ADIPOR2: variants seen among roughly 807,000 people sequenced by gnomAD.
ADIPOR2 encodes the protein adiponectin receptor 2.
Under a neutral mutation model 40.9 loss-of-function variants are expected in ADIPOR2, and 18 were observed. The observed-to-expected ratio is 0.44, with a 90% CI of 0.30 to 0.65. The LOEUF (loss-of-function observed/expected upper bound fraction) is 0.65. Ranked by LOEUF, ADIPOR2 falls within the 30% of genes least tolerant of loss-of-function variation. ADIPOR2 has a pLI of 0.09. For missense variants in ADIPOR2, 283 were observed against 479.2 expected (o/e 0.59, Z 3.82); for synonymous variants, 165 against 166.4 (o/e 0.99, Z 0.06).
intron 1 of ADIPOR2, among the ~76,000 whole-genome samples, chr12:1,691,858 T>C (rs1277827841): frequency 6.6e-6 from 1 of 152,180 alleles, no homozygotes; most frequent in African/African-American, 2.4e-5. Flanking sequence ...CCTCCTGGCT[T>C]TTGATCTTGA....
chr12:1,772,964 AAG>A lies in ADIPOR2; in HGVS notation c.291+6_291+7del, dbSNP rs1333239980. Reference sequence around the variant, plus strand: ...AAATGGAAGAATTTGTTTGTAAGGTAAGAGTGCAGTTTCTTGTCATTGTCATG... The same window carrying A: ...AAATGGAAGAATTTGTTTGTAAGGTAAGTGCAGTTTCTTGTCATTGTCATG... On this transcript the variant is annotated splice_donor_5th_base_variant and intron_variant, in intron 3 of 7. Transcript: ENST00000357103. 6.2e-7 allele frequency: 1 copy of A among 1,613,150 alleles called. No homozygotes were observed. The highest frequency in any genetic ancestry group is 1.7e-5 in the Admixed American group (1 of 59,892).
chr12:1,769,491 A>G (rs542205819), intron 2 of ADIPOR2, among the ~76,000 whole-genome samples: 67 of 152,384 alleles, frequency 4.4e-4, no homozygotes, highest in African/African-American at 1.5e-3. Flanking sequence ...AAGGGTAGGA[A>G]TTGGTCATAG....
chr12:1,697,022 G>C (rs2094640556), intron 1 of ADIPOR2: 5 of 152,286 alleles, frequency 3.3e-5, no homozygotes, highest in Admixed American at 3.3e-4. Context: ...TTAGCAAACA[G>C]TGATTTCTGT....
chr12:1,775,865 CTT>C lies in ADIPOR2; in HGVS notation c.292-1987_292-1986del, dbSNP rs61180129. On this transcript the variant is annotated intron_variant, in intron 3 of 7. Coordinates refer to ENST00000357103, the MANE Select transcript of ADIPOR2 (RefSeq NM_024551.3). Reference sequence around the variant, plus strand: ...ATACTGGATCCCTGATCCCCTTTCTCTTTCTCTCCATAAAGTCCTGTGGAAGA... The same window carrying C: ...ATACTGGATCCCTGATCCCCTTTCTCTCTCTCCATAAAGTCCTGTGGAAGA... Among the ~76,000 whole-genome samples the C allele has an allele frequency of 5.9e-5, 9 of 152,004 alleles. No homozygotes were observed. The Middle Eastern group carries it at 0.02, about 345-fold the overall frequency.
chr12:1,745,967 A>T (rs567162150), intron 1 of ADIPOR2, among the ~76,000 whole-genome samples: 1 of 152,278 alleles, frequency 6.6e-6, no homozygotes, highest in East Asian at 1.9e-4. Context: ...AAAATTCAGA[A>T]GTTACTAAAG....
intron 1 of ADIPOR2, among the ~76,000 whole-genome samples, chr12:1,741,257 G>A (rs1259640034): frequency 6.6e-6 from 1 of 152,140 alleles, no homozygotes; most frequent in Non-Finnish European, 1.5e-5. Context: ...AGAGGAAACT[G>A]CAGGTATGAG....
At chr12:1,767,137 G>A (rs1201409156) in intron 2 of ADIPOR2, among the ~76,000 whole-genome samples, 2 of 152,054 alleles carry the variant, frequency 1.3e-5, no homozygotes, top group African/African-American at 4.8e-5. Flanking sequence ...CGGGCGTGGT[G>A]GCAGGCGCCT....
At chr12:1,783,474 A>G (rs1465914330) in intron 6 of ADIPOR2, among the ~76,000 whole-genome samples, 2 of 141,496 alleles carry the variant, frequency 1.4e-5, no homozygotes, top group Non-Finnish European at 3.0e-5. Flanking sequence ...ATCTCGGCTC[A>G]CTGCAGCCTC....
At chr12:1,764,244 A>G (rs1862328297) in intron 2 of ADIPOR2, among the ~76,000 whole-genome samples, 1 of 152,138 alleles carries the variant, frequency 6.6e-6, no homozygotes, top group African/African-American at 2.4e-5. Context: ...CTTTTTTGTA[A>G]TGGGATAAAA....
chr12:1,778,901 A>G (rs1013745493), intron 4 of ADIPOR2, among the ~76,000 whole-genome samples: 1 of 152,096 alleles, frequency 6.6e-6, no homozygotes, highest in Non-Finnish European at 1.5e-5. Context: ...AAAATGGCCA[A>G]TAAGCACATG....
chr12:1,721,155 C>A lies in ADIPOR2; in HGVS notation c.-87+29964C>A, dbSNP rs909523925. Among the ~76,000 whole-genome samples, 5 of 150,616 alleles carry A rather than the reference C, an allele frequency of 3.3e-5. No individual in the cohort carries two copies. In the East Asian group the frequency reaches 9.7e-4, roughly 29 times the overall value. The stretch of plus-strand genomic sequence containing the variant: ...CCTTGAGCACATGTTGTCAGGACTT[C>A]CTGAGGCTGTGTCATGGGAGCGTCC... On this transcript the variant is annotated intron_variant, in intron 1 of 7. Transcript: ENST00000357103.
At chr12:1,779,702 A>G (rs564584084) in intron 4 of ADIPOR2, among the ~76,000 whole-genome samples, 1 of 152,354 alleles carries the variant, frequency 6.6e-6, no homozygotes, top group Admixed American at 6.5e-5. Flanking sequence ...GCCTGCTAGT[A>G]TAGTGAGAGG....
At chr12:1,746,473 A>G (rs2094755228) in intron 1 of ADIPOR2, among the ~76,000 whole-genome samples, 1 of 152,122 alleles carries the variant, frequency 6.6e-6, no homozygotes, top group Non-Finnish European at 1.5e-5. Context: ...GGGCGACAGA[A>G]CAAGACTGCC....
intron 1 of ADIPOR2, among the ~76,000 whole-genome samples, chr12:1,746,005 C>T (rs1459464279): frequency 6.6e-6 from 1 of 152,028 alleles, no homozygotes; most frequent in African/African-American, 2.4e-5. Flanking sequence ...AGTCTTCTTC[C>T]TATGCTTGTT....
intron 1 of ADIPOR2, among the ~76,000 whole-genome samples, chr12:1,703,742 TAAATG>T (rs2094655702): frequency 6.6e-6 from 1 of 151,908 alleles, no homozygotes; most frequent in Non-Finnish European, 1.5e-5. Context: ...AATAAATAAA[TAAATG>T]GGAGAATCTT....
intron 1 of ADIPOR2, among the ~76,000 whole-genome samples, chr12:1,691,484 G>A (rs375118156): frequency 6.6e-6 from 1 of 152,204 alleles, no homozygotes; most frequent in Non-Finnish European, 1.5e-5. Context: ...CTTTCGCGGC[G>A]GAGGGTCGGA....
At position 1,772,810 on chromosome 12, in the gene ADIPOR2, T is replaced by C. The variant is rs1249028028; in HGVS notation, c.172-32T>C. 2.6e-6 allele frequency: 4 copies of C among 1,564,224 alleles called. No homozygotes were observed. In the South Asian group the frequency reaches 3.7e-5, roughly 14 times the overall value. On this transcript the variant is annotated intron_variant, in intron 2 of 7. Coordinates refer to ENST00000357103, the MANE Select transcript of ADIPOR2 (RefSeq NM_024551.3). ...ATTGTGTCATTTGGCTCCCAGTCTC[T>C]GTCCTTGACTGTTTCTGTGATTGCC...
At chr12:1,706,558 A>T (rs1489379665) in intron 1 of ADIPOR2, among the ~76,000 whole-genome samples, 1 of 152,226 alleles carries the variant, frequency 6.6e-6, no homozygotes, top group East Asian at 1.9e-4. Flanking sequence ...ATCTAGGCTT[A>T]TGTAAATAAA....
intron 6 of ADIPOR2, among the ~76,000 whole-genome samples, chr12:1,783,646 A>G (rs1169023668): frequency 6.6e-6 from 1 of 152,186 alleles, no homozygotes; most frequent in Non-Finnish European, 1.5e-5. Context: ...GGTGTGAGCC[A>G]CTGCACCCGG....
Sources: gnomAD v4.1 joint callset for allele counts (sites outside exome capture counted in the v4.1 genomes callset) on GRCh38, gnomAD v4.1.1 for gene constraint, MANE v1.5 for transcripts, NCBI Gene and HGNC (gene_info 2026-07-23, HGNC 2026-07-21) for gene names.